The following NSD1 variants were observed in gnomAD, a reference collection of about 807,000 sequenced individuals.
NSD1 encodes histone-lysine N-methyltransferase, H3 lysine-36 specific.
Under a neutral mutation model 242.7 loss-of-function variants are expected in NSD1, and 26 were observed. The ratio of observed to expected loss-of-function variants is 0.11; its 90% CI spans 0.08 to 0.15. The LOEUF (loss-of-function observed/expected upper bound fraction) is 0.15. Among genes scored for constraint, NSD1 ranks in the 10% least tolerant of loss-of-function variants. NSD1 has a pLI of 1.00. For missense variants in NSD1, 2,495 were observed against 3,272.8 expected, an observed-to-expected ratio of 0.76 and a Z score of 5.80; for synonymous variants, 1,106 against 1,178.1, an observed-to-expected ratio of 0.94 and a Z score of 1.25.
At position 177,208,254 on chromosome 5, in the gene NSD1, T is replaced by C. The variant is rs568357785; in HGVS notation, c.1237-1382T>C. 2.9e-4 allele frequency among the ~76,000 whole-genome samples: 44 copies of C among 152,342 alleles called. No individual in the cohort carries two copies. The South Asian group carries it at 9.1e-3, about 32-fold the overall frequency. On this transcript the variant is annotated intron_variant, in intron 4 of 22. Transcript: ENST00000439151. ...CATGCTGTGAGGTATCCAGAAAAGA[T>C]AATGTAATACCCATGGTGTCATCAG...
chr5:177,148,283 C>T (rs1757420831), intron 2 of NSD1, among the ~76,000 whole-genome samples: 3 of 151,420 alleles, frequency 2.0e-5, no homozygotes, highest in Non-Finnish European at 1.5e-5. Flanking sequence ...ACACCCAGCT[C>T]ATTTTTGTAT....
chr5:177,149,076 C>A (rs942634894), intron 2 of NSD1, among the ~76,000 whole-genome samples: 6 of 152,204 alleles, frequency 3.9e-5, no homozygotes, highest in African/African-American at 1.4e-4. Flanking sequence ...ATCTTGGCTT[C>A]CCAAAGTCCT....
intron 2 of NSD1, among the ~76,000 whole-genome samples, chr5:177,144,203 A>G (rs1317004870): frequency 6.6e-6 from 1 of 151,784 alleles, no homozygotes; most frequent in Non-Finnish European, 1.5e-5. Context: ...TGTGAATTTC[A>G]AGAAAGATAT....
chr5:177,211,578 C>A lies in NSD1; in HGVS notation c.3179C>A (p.Pro1060Gln), dbSNP rs2149847501. The change falls in exon 5 of 23, where the codon CCA becomes CAA. Residue 1060 changes from proline to glutamine, a missense_variant. Around this residue, in one of 19 missense-constraint regions of NSD1, gnomAD observed 426 missense variants for 411.4 expected, o/e 1.04. Transcript: ENST00000439151. ...CGCAAAAGAAAACTGAATCAGCTTC[C>A]AAGTGTGACTCTTGATGCTGTACTG... Reference protein sequence around the residue: ...TERKRKLNQLPSVTLDAVLQG... With the variant: ...TERKRKLNQLQSVTLDAVLQG... 1.2e-6 allele frequency: 2 copies of A among 1,614,030 alleles called. No homozygotes were observed. The highest frequency in any genetic ancestry group is 1.7e-6 in the Non-Finnish European group (2 of 1,180,020).
intron 14 of NSD1, among the ~76,000 whole-genome samples, chr5:177,262,083 AT>A (rs1487820355): frequency 6.6e-6 from 1 of 152,200 alleles, no homozygotes; most frequent in Non-Finnish European, 1.5e-5. Context: ...TTATAATAGC[AT>A]CAATTAAATG....
At chr5:177,291,219 G>A (rs1306693609) in intron 21 of NSD1, among the ~76,000 whole-genome samples, 2 of 152,172 alleles carry the variant, frequency 1.3e-5, no homozygotes, top group South Asian at 2.1e-4. Context: ...TCTTATTGAC[G>A]GCAGGGACCA....
At chr5:177,249,689 G>A (rs558483400) in intron 11 of NSD1, among the ~76,000 whole-genome samples, 69 of 152,252 alleles carry the variant, frequency 4.5e-4, no homozygotes, top group African/African-American at 1.4e-3. Flanking sequence ...GGGTTTCACC[G>A]TGTTGGCGAG....
chr5:177,178,287 C>T (rs1445971194), intron 2 of NSD1, among the ~76,000 whole-genome samples: 7 of 151,484 alleles, frequency 4.6e-5, no homozygotes, highest in African/African-American at 9.7e-5. Context: ...AGTGCAATGG[C>T]GGGATCTCGG....
chr5:177,274,323 C>T (rs1033586298), intron 17 of NSD1, among the ~76,000 whole-genome samples: 1 of 152,108 alleles, frequency 6.6e-6, no homozygotes, highest in Non-Finnish European at 1.5e-5. Context: ...GTATTTTAAA[C>T]ATTTTTATGT....
chr5:177,161,622 C>A (rs1758756011), intron 2 of NSD1, among the ~76,000 whole-genome samples: 1 of 151,176 alleles, frequency 6.6e-6, no homozygotes, highest in African/African-American at 2.4e-5. Flanking sequence ...TTTTTTTTAC[C>A]TGAATTTTTC....
chr5:177,164,947 A>T (rs1044532719), intron 2 of NSD1, among the ~76,000 whole-genome samples: 1 of 129,790 alleles, frequency 7.7e-6, no homozygotes, highest in South Asian at 2.4e-4. Flanking sequence ...CTGTCTCATT[A>T]AAAAAAAAAA....
At chr5:177,233,988 A>G (rs944687133) in intron 5 of NSD1, among the ~76,000 whole-genome samples, 3 of 152,102 alleles carry the variant, frequency 2.0e-5, no homozygotes, top group Admixed American at 2.0e-4. Flanking sequence ...AGGATGCCAT[A>G]TATGCTGTTG....
In NSD1 at chr5:177,210,509, A is replaced by G. The variant is rs764085829; in HGVS notation, c.2110A>G (p.Ile704Val). ...TRVKAKQKPL[I>V]SNSHTDHLMG... ...GGTAAAAGCAAAACAGAAGCCTCTC[A>G]TTAGTAACTCACATACAGACCACTT... Residue 704 changes from isoleucine (I) to valine (V), a missense_variant, in exon 5 of 23, where the codon ATT becomes GTT. Around this residue, in one of 19 missense-constraint regions of NSD1, gnomAD observed 515 missense variants for 467.0 expected, o/e 1.10. Coordinates refer to ENST00000439151, the MANE Select transcript of NSD1 (RefSeq NM_022455.5). The G allele has an allele frequency of 1.2e-6, 2 of 1,614,240 alleles. No homozygotes were observed. The highest frequency in any genetic ancestry group is 1.7e-6 in the Non-Finnish European group (2 of 1,180,044).
intron 2 of NSD1, among the ~76,000 whole-genome samples, chr5:177,166,952 G>A (rs1366386810): frequency 2.0e-5 from 3 of 151,614 alleles, no homozygotes; most frequent in Non-Finnish European, 4.4e-5. Flanking sequence ...CAGCATTTTG[G>A]CCAGGGTGGT....
intron 17 of NSD1, 38 bp downstream of exon 17, chr5:177,273,822 A>C (rs774572573): frequency 7.5e-7 from 1 of 1,342,080 alleles, no homozygotes; most frequent in Admixed American, 1.7e-5. Context: ...TCTAGAAGAG[A>C]AATGGAATAG....
rs148196686 is a variant in NSD1 at position 177,210,090 on chromosome 5, C to T, written c.1691C>T (p.Ala564Val). ...IANSLTGSNTAPGSFLFSSCG... is the reference protein window; with the variant it reads ...IANSLTGSNTVPGSFLFSSCG... ...AATAGCCTCACAGGGTCCAACACTGCCCCAGGAAGTTTTCTGTTTTCTTCC... is the reference window on the plus strand; with the variant it reads ...AATAGCCTCACAGGGTCCAACACTGTCCCAGGAAGTTTTCTGTTTTCTTCC... The change falls in exon 5 of 23, where the codon GCC becomes GTC. Residue 564 changes from alanine to valine, a missense_variant. Around this residue, in one of 19 missense-constraint regions of NSD1, gnomAD observed 515 missense variants for 467.0 expected, o/e 1.10. Transcript: ENST00000439151. 3 of 1,613,444 alleles carry T rather than the reference C, an allele frequency of 1.9e-6. No homozygotes were observed. Among genetic ancestry groups the T allele is most frequent in the South Asian group, 1.1e-5 (1 of 90,934 alleles).
chr5:177,264,484 G>A (rs910364864), intron 14 of NSD1, among the ~76,000 whole-genome samples: 5 of 152,078 alleles, frequency 3.3e-5, no homozygotes, highest in Admixed American at 6.6e-5. Flanking sequence ...CTTTCTTCAC[G>A]TATGTCAAAC....
chr5:177,237,544 T>TTTTTTTGAGATGGAG, intron 6 of NSD1, among the ~76,000 whole-genome samples: 1 of 145,238 alleles, frequency 6.9e-6, no homozygotes, highest in African/African-American at 2.5e-5. Context: ...TTTTTTTTTT[T>TTTTTTTGAGATGGAG]TTTTTTGAGA....
intron 2 of NSD1, among the ~76,000 whole-genome samples, chr5:177,184,188 G>GT (rs1437958040): frequency 2.0e-5 from 3 of 152,098 alleles, no homozygotes; most frequent in Non-Finnish European, 4.4e-5. Flanking sequence ...TCTATTTTTA[G>GT]TTTTTTGAGG....
Sources: allele counts gnomAD v4.1 joint callset (sites outside exome capture counted in the v4.1 genomes callset), GRCh38; gene constraint gnomAD v4.1.1; regional missense constraint gnomAD v4.1.1; transcripts MANE v1.5; gene names NCBI Gene and HGNC (gene_info 2026-07-23, HGNC 2026-07-21).